HOATZ: variants seen among roughly 807,000 people sequenced by gnomAD.
HOATZ encodes cilia- and flagella-associated protein HOATZ.
HOATZ carries 26 observed loss-of-function variants against 24.9 expected under a neutral mutation model. The observed-to-expected ratio is 1.04, with a 90% confidence interval of 0.76 to 1.45. The LOEUF is 1.45. Among genes scored for constraint, HOATZ ranks in the 40% most tolerant of loss-of-function variants. The probability of loss-of-function intolerance (pLI) is 0.00; values close to 1 mark genes in which losing one functional copy is unlikely to be tolerated. For synonymous variants in HOATZ, 83 were observed against 76.6 expected (o/e 1.08, Z -0.43); for missense variants, 226 against 201.5 (o/e 1.12, Z -0.74).
At chr11:111,518,995 CTCTT>C in intron 3 of HOATZ, 3 of 456,074 alleles carry the variant, frequency 6.6e-6, no homozygotes, top group Non-Finnish European at 1.3e-5. Context: ...GTATGTTTCT[CTCTT>C]TCCTGCTAGA....
At chr11:111,518,465 C>T (rs925569292) in intron 3 of HOATZ, among the ~76,000 whole-genome samples, 2 of 152,164 alleles carry the variant, frequency 1.3e-5, no homozygotes, top group African/African-American at 4.8e-5. Flanking sequence ...CTAAACTAAG[C>T]AATTGACATA....
Position 111,522,812 on chromosome 11 carries a change from G to A in HOATZ, c.339+6702G>A, listed in dbSNP as rs151067754. Among the ~76,000 whole-genome samples, 56 of 152,002 alleles carry A rather than the reference G, an allele frequency of 3.7e-4. No individual in the cohort carries two copies. The East Asian group carries it at 9.5e-3, about 26-fold the overall frequency. On this transcript the variant is annotated intron_variant, in intron 3 of 5. Coordinates refer to ENST00000375618, the MANE Select transcript of HOATZ (RefSeq NM_001100388.2). ...CTTGCATGTTCATTTGCAGACATGC[G>A]GAAAGTGGTTAAAAAAAAAAAATTG...
chr11:111,535,286 A>G (rs188838607), intron 5 of HOATZ: 7 of 152,244 alleles, frequency 4.6e-5, no homozygotes, highest in South Asian at 2.1e-4. Context: ...TATTATCTAC[A>G]CAATGCTCAG....
chr11:111,514,840 GC>G lies in HOATZ; in HGVS notation c.62del (p.Pro21ArgfsTer79), dbSNP rs570525399. ...PSGRKESQEMCPPGLLVFAGS... is the reference protein window; with the variant it reads ...PSGRKESQEMXPPGLLVFAGS... Reference sequence around the variant, plus strand: ...GGCCGAAAAGAGTCCCAGGAAATGTGCCCCCCGGGATTACTGGTATTTGCTG... The same window carrying G: ...GGCCGAAAAGAGTCCCAGGAAATGTGCCCCCGGGATTACTGGTATTTGCTG... On this transcript the variant is annotated frameshift_variant, in exon 1 of 6. Transcript: ENST00000375618. LOFTEE classifies it high-confidence loss of function. 1.9e-6 allele frequency: 3 copies of G among 1,613,986 alleles called. No homozygotes were observed. The highest frequency in any genetic ancestry group is 2.7e-5 in the African/African-American group (2 of 74,894).
At position 111,516,089 on chromosome 11, in the gene HOATZ, G is replaced by A; in HGVS notation, c.318G>A (p.Glu106=). 6.3e-7 allele frequency: 1 copy of A among 1,597,552 alleles called. No individual in the cohort carries two copies. Residue 106 remains glutamate (E), a synonymous_variant, in exon 3 of 6, where the codon GAG becomes GAA. Coordinates refer to ENST00000375618, the MANE Select transcript of HOATZ (RefSeq NM_001100388.2). ...AEALKIQESE[E]KVKYLQKAKT... The stretch of plus-strand genomic sequence containing the variant: ...CCCTAAAGATACAGGAATCTGAGGA[G>A]AAAGTAAAGTATCTCCAAAAGGTAG...
intron 3 of HOATZ, among the ~76,000 whole-genome samples, chr11:111,525,238 A>G (rs145127184): frequency 2.0e-5 from 3 of 152,228 alleles, no homozygotes; most frequent in South Asian, 2.1e-4. Context: ...GAAAAACCCT[A>G]TAAGTTATTT....
At chr11:111,515,998 A>C in intron 2 of HOATZ, 42 bp from the exon 3 acceptor site, 1 of 1,275,364 alleles carries the variant, frequency 7.8e-7, no homozygotes, top group Non-Finnish European at 1.1e-6. Flanking sequence ...ATAAAATCAT[A>C]ATAAAATTAT....
rs567145519 is a variant in HOATZ, at chr11:111,525,191, T to C, written c.340-8555T>C. ...GGACAGGAAAATGTGCATATTTTCATTGTAACAGTAATTTAGCAATTTGTT... is the reference window on the plus strand; with the variant it reads ...GGACAGGAAAATGTGCATATTTTCACTGTAACAGTAATTTAGCAATTTGTT... On this transcript the variant is annotated intron_variant, in intron 3 of 5. Transcript: ENST00000375618. Among the ~76,000 whole-genome samples, 248 of 152,308 alleles carry C rather than the reference T, an allele frequency of 1.6e-3. 2 individuals are homozygous for C. Among genetic ancestry groups the C allele is most frequent in the African/African-American group, 5.8e-3 (240 of 41,574 alleles).
At chr11:111,516,547 A>C (rs555664664) in intron 3 of HOATZ, among the ~76,000 whole-genome samples, 1,475 of 145,362 alleles carry the variant, frequency 0.01, 14 homozygotes, top group Middle Eastern at 0.021. Flanking sequence ...CTAACTCTAC[A>C]AAAAAAAAAA....
intron 3 of HOATZ, among the ~76,000 whole-genome samples, chr11:111,524,051 T>C (rs1032713360): frequency 2.0e-5 from 3 of 152,224 alleles, no homozygotes; most frequent in African/African-American, 7.2e-5. Context: ...GGTGATCTCC[T>C]GACATACCAA....
chr11:111,522,928 A>T (rs145260848), intron 3 of HOATZ, among the ~76,000 whole-genome samples: 3,368 of 152,286 alleles, frequency 0.022, 126 homozygotes, highest in African/African-American at 0.075. Flanking sequence ...TCTACTAAAA[A>T]TACAAAATTA....
chr11:111,536,800 C>A lies in HOATZ; in HGVS notation c.483C>A (p.Asp161Glu). The A allele has an allele frequency of 6.2e-7, 1 of 1,613,672 alleles. No individual in the cohort carries two copies. The highest frequency in any genetic ancestry group is 8.5e-7 in the Non-Finnish European group (1 of 1,179,744). The change falls in exon 6 of 6, where the codon GAC becomes GAA. Residue 161 changes from aspartate to glutamate, a missense_variant. By Grantham distance (45) the Asp-to-Glu change is conservative. Coordinates refer to ENST00000375618, the MANE Select transcript of HOATZ (RefSeq NM_001100388.2). ...TGGTATCAGAGTCAGATAAAGAGGA[C>A]CAAGAAGAAGTCAAAACTTTGGACT... Reference protein sequence around the residue: ...KKVVSESDKEDQEEVKTLD With the variant: ...KKVVSESDKEEQEEVKTLD
intron 3 of HOATZ, chr11:111,526,697 G>A (rs990325971): frequency 1.3e-5 from 2 of 152,150 alleles, no homozygotes; most frequent in Admixed American, 1.3e-4. Flanking sequence ...TGTCAGATAG[G>A]CCTGTGAATA....
intron 4 of HOATZ, 120 bp downstream of exon 4, chr11:111,533,925 T>C (rs1391591625): frequency 1.6e-6 from 1 of 639,452 alleles, no homozygotes; most frequent in Non-Finnish European, 2.5e-6. Context: ...GAGCCATTGA[T>C]ATACCAGAGT....
chr11:111,529,713 A>G (rs1285520626), intron 3 of HOATZ, among the ~76,000 whole-genome samples: 1 of 152,056 alleles, frequency 6.6e-6, no homozygotes, highest in Non-Finnish European at 1.5e-5. Flanking sequence ...ATCATAATCC[A>G]CGAAAGAAAT....
intron 3 of HOATZ, among the ~76,000 whole-genome samples, chr11:111,522,297 A>G (rs1867278599): frequency 6.6e-6 from 1 of 152,226 alleles, no homozygotes; most frequent in South Asian, 2.1e-4. Flanking sequence ...AGAACTATCA[A>G]TTTGGTTCCA....
intron 3 of HOATZ, among the ~76,000 whole-genome samples, chr11:111,526,233 T>A (rs893936327): frequency 6.6e-6 from 1 of 152,134 alleles, no homozygotes; most frequent in African/African-American, 2.4e-5. Flanking sequence ...GTAAGAACAG[T>A]AAGAAGCTAC....
chr11:111,534,676 T>A (rs888278124), intron 5 of HOATZ: 2 of 544,340 alleles, frequency 3.7e-6, no homozygotes, highest in Non-Finnish European at 6.7e-6. Flanking sequence ...AAGCATAAGT[T>A]AGTGCAAAAT....
At chr11:111,516,284 G>A (rs138544112) in intron 3 of HOATZ, among the ~76,000 whole-genome samples, 174 bp downstream of exon 3, 51 of 152,050 alleles carry the variant, frequency 3.4e-4, no homozygotes, top group African/African-American at 1.2e-3. Flanking sequence ...TTCAACATTG[G>A]CTATTATCAA....
Sources: allele counts gnomAD v4.1 joint callset (sites outside exome capture counted in the v4.1 genomes callset), GRCh38; gene constraint gnomAD v4.1.1; transcripts MANE v1.5; gene names NCBI Gene and HGNC (gene_info 2026-07-23, HGNC 2026-07-21).